Variants in XKR6 observed in about 807,000 individuals in gnomAD.
The protein encoded by XKR6 is XK-related protein 6.
A neutral mutation model predicts 56.7 loss-of-function variants in XKR6; 22 were observed. That is an observed-to-expected ratio of 0.39 (90% confidence interval 0.28 to 0.55). XKR6 has a LOEUF of 0.55. Ranked by LOEUF, XKR6 falls within the 20% of genes least tolerant of loss-of-function variation. The pLI is 0.66. For synonymous variants in XKR6, 524 were observed against 387.8 expected (o/e 1.35, Z -4.13); for missense variants, 852 against 889.0 (o/e 0.96, Z 0.53).
rs752003567 is a variant in XKR6 at position 10,897,979 on chromosome 8, C to T, written c.1899G>A (p.Glu633=). Residue 633 remains glutamate (E), a synonymous_variant, in exon 3 of 3, where the codon GAG becomes GAA. Transcript: ENST00000416569. ...AGAGTGAAGACTCATACTGTAGCAACTCATAGAGGAGTGGTCCGTCTCGAT... is the reference window on the plus strand; with the variant it reads ...AGAGTGAAGACTCATACTGTAGCAATTCATAGAGGAGTGGTCCGTCTCGAT... ...IRYRDGPLLY[E]LLQYESSL 8 of 1,599,308 alleles carry T rather than the reference C, an allele frequency of 5.0e-6. No homozygotes were observed. The highest frequency in any genetic ancestry group is 1.4e-5 in the African/African-American group (1 of 73,882).
chr8:11,118,940 G>C (rs1386912355), intron 1 of XKR6, among the ~76,000 whole-genome samples: 1 of 151,976 alleles, frequency 6.6e-6, no homozygotes, highest in African/African-American at 2.4e-5. Flanking sequence ...TCTCTTGTGG[G>C]CATTTAGTGC....
intron 1 of XKR6, among the ~76,000 whole-genome samples, chr8:11,103,077 A>C (rs1177782604): frequency 1.3e-5 from 2 of 152,238 alleles, no homozygotes; most frequent in Non-Finnish European, 2.9e-5. Context: ...CACTAGTGTA[A>C]GATGGAGTTT....
At chr8:11,093,781 AT>A (rs149174329) in intron 1 of XKR6, among the ~76,000 whole-genome samples, 10 of 151,572 alleles carry the variant, frequency 6.6e-5, no homozygotes, top group Non-Finnish European at 8.8e-5. Flanking sequence ...ACATTATGTA[AT>A]TTTTTTTGTT....
intron 1 of XKR6, among the ~76,000 whole-genome samples, chr8:11,180,372 C>A (rs1297146242): frequency 6.6e-6 from 1 of 152,156 alleles, no homozygotes; most frequent in African/African-American, 2.4e-5. Context: ...CTAAAAAATT[C>A]TTTGTGGTGA....
chr8:11,105,511 G>A (rs894886186), intron 1 of XKR6: 1 of 152,154 alleles, frequency 6.6e-6, no homozygotes, highest in African/African-American at 2.4e-5. Context: ...GTCAAGAAGG[G>A]GGTCTCCCCT....
chr8:11,147,659 A>G (rs951630001), intron 1 of XKR6, among the ~76,000 whole-genome samples: 2 of 151,940 alleles, frequency 1.3e-5, no homozygotes, highest in Non-Finnish European at 2.9e-5. Context: ...TGTCTCAAAA[A>G]AAAAAAAAAA....
chr8:11,038,231 C>T (rs538325124), intron 1 of XKR6, among the ~76,000 whole-genome samples: 30 of 152,192 alleles, frequency 2.0e-4, no homozygotes, highest in South Asian at 4.2e-4. Flanking sequence ...ACTTGTTTAG[C>T]GGTGAGCTTG....
chr8:11,072,733 C>A (rs1351072074), intron 1 of XKR6, among the ~76,000 whole-genome samples: 5 of 152,174 alleles, frequency 3.3e-5, no homozygotes, highest in Non-Finnish European at 7.4e-5. Context: ...CTGAACTGTG[C>A]CTGAGGCTGC....
rs568549146 is a variant in XKR6 at position 11,103,239 on chromosome 8, G to C, written c.764+97337C>G. ...CAATTTGTTACAGTGACTTCCTAGA[G>C]AGATGAACAAAAAAGACACAGGAAT... On this transcript the variant is annotated intron_variant, in intron 1 of 2. Transcript: ENST00000416569. Among the ~76,000 whole-genome samples, 8 of 152,284 alleles carry C rather than the reference G, an allele frequency of 5.3e-5. No individual in the cohort carries two copies. The South Asian group carries it at 1.7e-3, about 32-fold the overall frequency.
chr8:10,993,500 C>T (rs543347299), intron 1 of XKR6, among the ~76,000 whole-genome samples: 99 of 152,330 alleles, frequency 6.5e-4, no homozygotes, highest in African/African-American at 2.2e-3. Flanking sequence ...GAACACTGAG[C>T]GGGCCCAGGG....
chr8:11,082,171 C>T (rs976579401), intron 1 of XKR6, among the ~76,000 whole-genome samples: 5 of 152,194 alleles, frequency 3.3e-5, no homozygotes, highest in Admixed American at 6.5e-5. Context: ...CCAATTTCTG[C>T]TCTGTACATA....
intron 2 of XKR6, among the ~76,000 whole-genome samples, chr8:10,924,323 C>T (rs1430998525): frequency 1.3e-5 from 2 of 152,264 alleles, no homozygotes; most frequent in African/African-American, 4.8e-5. Context: ...AGGTCAGCAC[C>T]CAAGGACAGG....
At chr8:11,109,397 T>C (rs879258695) in intron 1 of XKR6, 7 of 152,194 alleles carry the variant, frequency 4.6e-5, no homozygotes, top group Non-Finnish European at 8.8e-5. Context: ...GAGCCACATA[T>C]CCATTCAGAA....
chr8:11,181,210 T>A (rs1802959756), intron 1 of XKR6, among the ~76,000 whole-genome samples: 1 of 152,228 alleles, frequency 6.6e-6, no homozygotes, highest in African/African-American at 2.4e-5. Context: ...TTATACTCAA[T>A]ATTTTCTTCA....
intron 1 of XKR6, among the ~76,000 whole-genome samples, chr8:11,047,676 G>A (rs886488060): frequency 5.9e-5 from 9 of 152,212 alleles, no homozygotes; most frequent in Admixed American, 2.0e-4. Flanking sequence ...TTGGGAAGAT[G>A]CAAGAGTTCT....
At chr8:11,174,025 T>G (rs907316421) in intron 1 of XKR6, among the ~76,000 whole-genome samples, 1 of 152,250 alleles carries the variant, frequency 6.6e-6, no homozygotes, top group Non-Finnish European at 1.5e-5. Context: ...CTCTGACTTG[T>G]TGACAACATC....
rs1015125065 is a variant in XKR6 at position 10,922,580 on chromosome 8, G to A, written c.961+2054C>T. 2.6e-5 allele frequency among the ~76,000 whole-genome samples: 4 copies of A among 152,204 alleles called. No homozygotes were observed. In the East Asian group the frequency reaches 5.8e-4, roughly 22 times the overall value. On this transcript the variant is annotated intron_variant, in intron 2 of 2. Transcript: ENST00000416569. ...GAGTCTCCTGGCACTGAGAACAAAT[G>A]ATGTTGTTCAAACTGCTGCATGTTG...
intron 1 of XKR6, among the ~76,000 whole-genome samples, chr8:11,112,502 T>A (rs996264356): frequency 6.6e-6 from 1 of 152,146 alleles, no homozygotes; most frequent in East Asian, 1.9e-4. Context: ...AATATTAATA[T>A]ACAAAAGTGA....
intron 1 of XKR6, among the ~76,000 whole-genome samples, chr8:10,968,823 G>C (rs915344790): frequency 6.6e-6 from 1 of 152,236 alleles, no homozygotes; most frequent in Non-Finnish European, 1.5e-5. Context: ...ACAGGGCTCG[G>C]GCAGTCCAGG....
Sources: gnomAD v4.1 joint callset for allele counts (sites outside exome capture counted in the v4.1 genomes callset) on GRCh38, gnomAD v4.1.1 for gene constraint, MANE v1.5 for transcripts, NCBI Gene and HGNC (gene_info 2026-07-23, HGNC 2026-07-21) for gene names.